The following TNFRSF10B variants were observed in gnomAD, a reference collection of about 807,000 sequenced individuals.
TNFRSF10B encodes TNF receptor superfamily member 10b.
Under a neutral mutation model 41.4 loss-of-function variants are expected in TNFRSF10B, and 35 were observed. The ratio of observed to expected loss-of-function variants is 0.85; its 90% CI spans 0.65 to 1.12. The LOEUF is 1.12. TNFRSF10B is among the 50% of genes most tolerant of loss of function. The pLI is 0.00. For synonymous variants in TNFRSF10B, 230 were observed against 215.5 expected (o/e 1.07, Z -0.59); for missense variants, 584 against 552.7 (o/e 1.06, Z -0.57).
intron 2 of TNFRSF10B, among the ~76,000 whole-genome samples, chr8:23,034,083 A>G (rs1366921179): frequency 6.6e-6 from 1 of 152,252 alleles, no homozygotes; most frequent in African/African-American, 2.4e-5. Context: ...GCAGAAAACA[A>G]TAATTACAAA....
In TNFRSF10B at chr8:23,022,651, C is replaced by T; in HGVS notation, c.*20G>A. ...AAAAGGTAAACCAGGGAAGGTCTGA[C>T]TTCCTGAAGAGAATCACACTTAGGA... On this transcript the variant is annotated 3_prime_UTR_variant, in exon 9 of 9. Transcript: ENST00000276431. 1 of 1,613,998 alleles carries T rather than the reference C, an allele frequency of 6.2e-7. No individual in the cohort carries two copies. The highest frequency in any genetic ancestry group is 8.5e-7 in the Non-Finnish European group (1 of 1,180,004).
chr8:23,054,008 T>G (rs1047996161), intron 1 of TNFRSF10B, among the ~76,000 whole-genome samples: 1 of 152,234 alleles, frequency 6.6e-6, no homozygotes, highest in Non-Finnish European at 1.5e-5. Flanking sequence ...ACCCTTGTCA[T>G]CAATTGTGTC....
chr8:23,039,157 C>A (rs1043354528), intron 2 of TNFRSF10B, among the ~76,000 whole-genome samples: 3 of 151,862 alleles, frequency 2.0e-5, no homozygotes, highest in Admixed American at 1.3e-4. Context: ...AGGGTTCACG[C>A]TCCTATGAAG....
At chr8:23,050,673 GA>G (rs1001680802) in intron 1 of TNFRSF10B, among the ~76,000 whole-genome samples, 3 of 152,150 alleles carry the variant, frequency 2.0e-5, no homozygotes, top group African/African-American at 2.4e-5. Flanking sequence ...ATGTCTTTGG[GA>G]AAAAATTGTT....
chr8:23,038,071 A>C (rs1812072146), intron 2 of TNFRSF10B, among the ~76,000 whole-genome samples: 1 of 152,210 alleles, frequency 6.6e-6, no homozygotes, highest in Non-Finnish European at 1.5e-5. Flanking sequence ...CAGTTACACA[A>C]ACCCTGCTGG....
chr8:23,036,064 A>C (rs1176029679), intron 2 of TNFRSF10B, among the ~76,000 whole-genome samples: 1 of 138,400 alleles, frequency 7.2e-6, no homozygotes, highest in Admixed American at 7.3e-5. Context: ...TAGGTTTTGG[A>C]GCAAAGACTT....
Position 23,020,231 on chromosome 8 carries a change from C to CA in TNFRSF10B, c.*2439dup, listed in dbSNP as rs2128809844. On this transcript the variant is annotated 3_prime_UTR_variant, in exon 9 of 9. Coordinates refer to ENST00000276431, the MANE Select transcript of TNFRSF10B (RefSeq NM_003842.5). Reference sequence around the variant, plus strand: ...TCCTTGTTTGTATTATAACACATTTCAAATAGGGACCTTTGACAGGGCAGA... The same window carrying CA: ...TCCTTGTTTGTATTATAACACATTTCAAAATAGGGACCTTTGACAGGGCAGA... The CA allele has an allele frequency of 2.2e-6, 1 of 453,360 alleles. No individual in the cohort carries two copies. The highest frequency in any genetic ancestry group is 7.0e-5 in the East Asian group (1 of 14,372). The allele number at this position is 453,360 out of a possible 1,614,324, so 28.1% of individuals were successfully genotyped here.
chr8:23,041,113 C>A (rs1190441789), intron 2 of TNFRSF10B, among the ~76,000 whole-genome samples: 1 of 149,574 alleles, frequency 6.7e-6, no homozygotes, highest in Non-Finnish European at 1.5e-5. Context: ...GGCTGAAGTG[C>A]AATGGCGTGA....
chr8:23,041,061 G>T (rs199870003), intron 2 of TNFRSF10B, among the ~76,000 whole-genome samples: 4,838 of 40,010 alleles, frequency 0.12, 118 homozygotes, highest in East Asian at 0.42. Flanking sequence ...TTTTTTTTTT[G>T]TTGTTTTTTT....
intron 1 of TNFRSF10B, among the ~76,000 whole-genome samples, chr8:23,047,284 G>A (rs1812391795): frequency 6.6e-6 from 1 of 151,158 alleles, no homozygotes; most frequent in Non-Finnish European, 1.5e-5. Flanking sequence ...TTGAACCCAG[G>A]AGGTGGAGGT....
chr8:23,040,592 A>C (rs950755286), intron 2 of TNFRSF10B, among the ~76,000 whole-genome samples: 1 of 151,160 alleles, frequency 6.6e-6, no homozygotes, highest in Non-Finnish European at 1.5e-5. Context: ...TAAGGGAGGA[A>C]CAAAATATAT....
chr8:23,057,078 C>T (rs1033465045), intron 1 of TNFRSF10B, among the ~76,000 whole-genome samples: 5 of 149,162 alleles, frequency 3.4e-5, no homozygotes, highest in East Asian at 2.0e-4. Context: ...CTCTGTTGCC[C>T]AGGCTGGATG....
intron 7 of TNFRSF10B, among the ~76,000 whole-genome samples, chr8:23,024,606 C>T (rs769120150): frequency 1.3e-5 from 2 of 151,952 alleles, no homozygotes; most frequent in Non-Finnish European, 2.9e-5. Context: ...CTGCAACCTC[C>T]ACCTCTGGGT....
chr8:23,061,744 AG>A (rs2128821102), intron 1 of TNFRSF10B, among the ~76,000 whole-genome samples: 1 of 152,306 alleles, frequency 6.6e-6, no homozygotes, highest in South Asian at 2.1e-4. Context: ...TCATCATGAA[AG>A]GGCTTTGAAT....
intron 1 of TNFRSF10B, among the ~76,000 whole-genome samples, chr8:23,047,879 A>T (rs1311119898): frequency 6.6e-6 from 1 of 152,278 alleles, no homozygotes; most frequent in Non-Finnish European, 1.5e-5. Context: ...ATTTGAAATC[A>T]GTATATCAAG....
intron 2 of TNFRSF10B, among the ~76,000 whole-genome samples, chr8:23,040,095 C>T (rs762148866): frequency 4.6e-5 from 7 of 151,426 alleles, no homozygotes; most frequent in South Asian, 4.1e-4. Context: ...GCAGGAAAAT[C>T]GCTTAAACCC....
At chr8:23,050,217 A>G (rs1408941175) in intron 1 of TNFRSF10B, among the ~76,000 whole-genome samples, 1 of 152,202 alleles carries the variant, frequency 6.6e-6, no homozygotes, top group Non-Finnish European at 1.5e-5. Flanking sequence ...GGTTGATATC[A>G]GGTTTTGCGT....
intron 2 of TNFRSF10B, among the ~76,000 whole-genome samples, chr8:23,041,099 C>A (rs1354385750): frequency 2.0e-5 from 3 of 150,852 alleles, no homozygotes; most frequent in African/African-American, 7.3e-5. Context: ...CACTCTGTCA[C>A]CCAGGCTGAA....
chr8:23,027,643 C>T, intron 6 of TNFRSF10B, 79 bp downstream of exon 6: 3 of 1,597,198 alleles, frequency 1.9e-6, no homozygotes, highest in Non-Finnish European at 2.6e-6. Flanking sequence ...ACAATGGGGA[C>T]CCACCCACCC....
Sources: gnomAD v4.1 joint callset for allele counts (sites outside exome capture counted in the v4.1 genomes callset) on GRCh38, gnomAD v4.1.1 for gene constraint, MANE v1.5 for transcripts, NCBI Gene and HGNC (gene_info 2026-07-23, HGNC 2026-07-21) for gene names.